OR1N1: variants seen among roughly 807,000 people sequenced by gnomAD.
OR1N1 encodes olfactory receptor 1N1.
For missense variants in OR1N1, 388 were observed against 391.9 expected (o/e 0.99, Z 0.08); for synonymous variants, 130 against 151.2 (o/e 0.86, Z 1.03).
At position 122,526,568 on chromosome 9, in the gene OR1N1, G is replaced by A; in HGVS notation, c.726C>T (p.His242=). 6.2e-7 allele frequency: 1 copy of A among 1,613,908 alleles called. No individual in the cohort carries two copies. The highest frequency in any genetic ancestry group is 8.5e-7 in the Non-Finnish European group (1 of 1,179,890). The change falls in exon 1 of 1, where the codon CAC becomes CAT. Residue 242 remains histidine, a synonymous_variant. Transcript: ENST00000304880. ...VGKAFSTCSS[H]LCVVCVFYGT... is the part of the protein sequence containing the mutation. ...CATAGAACACACAAACAACGCAGAG[G>A]TGGGAACTGCAGGTGGAAAAGGCCT...
chr9:122,526,471 T>A lies in OR1N1; in HGVS notation c.823A>T (p.Met275Leu), dbSNP rs577379114. ...AACATGGGAGTCACTATGGTGTACA[T>A]TGCAGCTGCTGCAATGTCCTTCTCT... ...SEEKDIAAAA[M>L]YTIVTPMLNP... The change falls in exon 1 of 1, where the codon ATG becomes TTG. Residue 275 changes from methionine to leucine, a missense_variant. Coordinates refer to ENST00000304880, the MANE Select transcript of OR1N1 (RefSeq NM_012363.1). 6.4e-7 allele frequency: 1 copy of A among 1,566,210 alleles called. No individual in the cohort carries two copies. The highest frequency in any genetic ancestry group is 8.6e-7 in the Non-Finnish European group (1 of 1,157,450).
Position 122,526,788 on chromosome 9 carries a change from G to C in OR1N1, c.506C>G (p.Thr169Ser). The change falls in exon 1 of 1, where the codon ACT becomes AGT. Residue 169 changes from threonine to serine, a missense_variant. Transcript: ENST00000304880. The part of the protein sequence containing the change: ...FLMARLSFCV[T>S]GEIAHFFCDI... ...ACAGAAAAAGTGAGCAATTTCCCCAGTCACACAGAAGGACAACCGAGCCAT... is the reference window on the plus strand; with the variant it reads ...ACAGAAAAAGTGAGCAATTTCCCCACTCACACAGAAGGACAACCGAGCCAT... The C allele has an allele frequency of 6.2e-7, 1 of 1,614,112 alleles. No homozygotes were observed. Among genetic ancestry groups the C allele is most frequent in the East Asian group, 2.2e-5 (1 of 44,876 alleles).
Position 122,527,130 on chromosome 9 carries a change from G to T in OR1N1, c.164C>A (p.Thr55Asn). ...LAIGSDLHLH[T>N]PMYFFLANLS... ...GTTGGCCAAGAAAAAGTACATGGGG[G>T]TGTGGAGGTGCAGGTCAGAGCCAAT... Residue 55 changes from threonine (T) to asparagine (N), a missense_variant, in exon 1 of 1, where the codon ACC becomes AAC. Transcript: ENST00000304880. 4 of 1,614,240 alleles carry T rather than the reference G, an allele frequency of 2.5e-6. No homozygotes were observed. Among genetic ancestry groups the T allele is most frequent in the African/African-American group, 1.3e-5 (1 of 75,060 alleles).
In OR1N1 at chr9:122,527,232, T is replaced by G. The variant is rs777832636; in HGVS notation, c.62A>C (p.Gln21Pro). 6.2e-7 allele frequency: 1 copy of G among 1,613,882 alleles called. No individual in the cohort carries two copies. Among genetic ancestry groups the G allele is most frequent in the South Asian group, 1.1e-5 (1 of 91,062 alleles). ...GAAAATTCCGAAGAGGGACTGCTGT[T>G]GCTCTGGAGGCGCTGATATTCCTCG... ...FLRGISAPPEQQQSLFGIFLC... is the reference protein window; with the variant it reads ...FLRGISAPPEPQQSLFGIFLC... Residue 21 changes from glutamine to proline, a missense_variant, in exon 1 of 1, where the codon CAA (glutamine) becomes CCA (proline). Transcript: ENST00000304880.
chr9:122,527,198 C>A lies in OR1N1; in HGVS notation c.96G>T (p.Met32Ile). 1 of 1,614,090 alleles carries A rather than the reference C, an allele frequency of 6.2e-7. No homozygotes were observed. The highest frequency in any genetic ancestry group is 1.1e-5 in the South Asian group (1 of 91,080). ...GGTTCCCAGTCAAGGTGACAAGATA[C>A]ATACACAGGAAAATTCCGAAGAGGG... is the stretch of plus-strand genomic sequence containing the variant. Reference protein sequence around the residue: ...QQSLFGIFLCMYLVTLTGNLL... With the variant: ...QQSLFGIFLCIYLVTLTGNLL... The change falls in exon 1 of 1, where the codon ATG becomes ATT. Residue 32 changes from methionine to isoleucine, a missense_variant. By Grantham distance (10) the Met-to-Ile change is conservative (BLOSUM62 1). Transcript: ENST00000304880.
Position 122,526,855 on chromosome 9 carries a change from A to G in OR1N1, c.439T>C (p.Trp147Arg). ...AGGGCAACGATATTGGTGAGGACCC[A>G]GCACAATGCAAGCATTAGGGCACAG... The part of the protein sequence containing the change: ...QVCALMLALC[W>R]VLTNIVALTH... The change falls in exon 1 of 1, where the codon TGG (tryptophan) becomes CGG (arginine). Residue 147 changes from tryptophan to arginine, a missense_variant. Coordinates refer to ENST00000304880, the MANE Select transcript of OR1N1 (RefSeq NM_012363.1). 6.2e-7 allele frequency: 1 copy of G among 1,614,192 alleles called. No homozygotes were observed. The highest frequency in any genetic ancestry group is 8.5e-7 in the Non-Finnish European group (1 of 1,180,038).
rs1256686143 is a variant in OR1N1 at position 122,526,998 on chromosome 9, A to G, written c.296T>C (p.Met99Thr). 6 of 1,614,060 alleles carry G rather than the reference A, an allele frequency of 3.7e-6. No homozygotes were observed. The highest frequency in any genetic ancestry group is 5.1e-6 in the Non-Finnish European group (6 of 1,180,042). ...ATCACCAAACATCAGAAAGAAATAC[A>G]TTTGCGTGAGGCAACCCGTATAGGA... ...TISYTGCLTQ[M>T]YFFLMFGDLD... The change falls in exon 1 of 1, where the codon ATG becomes ACG. Residue 99 changes from methionine (M) to threonine (T), a missense_variant. By Grantham distance (81) the Met-to-Thr change is moderately conservative. Transcript: ENST00000304880.
chr9:122,526,689 C>A lies in OR1N1; in HGVS notation c.605G>T (p.Gly202Val). ...INEMMVFVLG[G>V]TVLIVPFLCI... ...TAAAAAGGGGACGATGAGTACGGTGCCTCCCAAGACAAAAACCATCATCTC... is the reference window on the plus strand; with the variant it reads ...TAAAAAGGGGACGATGAGTACGGTGACTCCCAAGACAAAAACCATCATCTC... The change falls in exon 1 of 1, where the codon GGC becomes GTC. Residue 202 changes from glycine (G) to valine (V), a missense_variant. Gly to Val is a moderately radical substitution (Grantham distance 109). Coordinates refer to ENST00000304880, the MANE Select transcript of OR1N1 (RefSeq NM_012363.1). 1 of 1,614,072 alleles carries A rather than the reference C, an allele frequency of 6.2e-7. No homozygotes were observed. Among genetic ancestry groups the A allele is most frequent in the Non-Finnish European group, 8.5e-7 (1 of 1,179,992 alleles).
Position 122,526,683 on chromosome 9 carries a change from A to G in OR1N1, c.611T>C (p.Val204Ala), listed in dbSNP as rs1327563864. The stretch of plus-strand genomic sequence containing the variant: ...AATGCATAAAAAGGGGACGATGAGT[A>G]CGGTGCCTCCCAAGACAAAAACCAT... ...EMMVFVLGGT[V>A]LIVPFLCIVT... The change falls in exon 1 of 1, where the codon GTA becomes GCA. Residue 204 changes from valine to alanine, a missense_variant. Val to Ala is a moderately conservative substitution (Grantham distance 64). Coordinates refer to ENST00000304880, the MANE Select transcript of OR1N1 (RefSeq NM_012363.1). 6.2e-7 allele frequency: 1 copy of G among 1,614,198 alleles called. No individual in the cohort carries two copies. The highest frequency in any genetic ancestry group is 8.5e-7 in the Non-Finnish European group (1 of 1,180,022).
chr9:122,526,874 G>A lies in OR1N1; in HGVS notation c.420C>T (p.Ala140=), dbSNP rs780611699. ...YSTVMRPQVC[A]LMLALCWVLT... ...GGACCCAGCACAATGCAAGCATTAG[G>A]GCACAGACTTGGGGCCTCATGACTG... Residue 140 remains alanine, a synonymous_variant, in exon 1 of 1, where the codon GCC becomes GCT. Coordinates refer to ENST00000304880, the MANE Select transcript of OR1N1 (RefSeq NM_012363.1). 2 of 1,614,174 alleles carry A rather than the reference G, an allele frequency of 1.2e-6. No individual in the cohort carries two copies. The highest frequency in any genetic ancestry group is 1.7e-6 in the Non-Finnish European group (2 of 1,180,038).
Position 122,526,471 on chromosome 9 carries a change from T to C in OR1N1, c.823A>G (p.Met275Val), listed in dbSNP as rs577379114. 4.0e-5 allele frequency: 62 copies of C among 1,566,328 alleles called. No individual in the cohort carries two copies. The South Asian group carries it at 7.1e-4, about 18-fold the overall frequency. ...SEEKDIAAAA[M>V]YTIVTPMLNP... ...AACATGGGAGTCACTATGGTGTACA[T>C]TGCAGCTGCTGCAATGTCCTTCTCT... The change falls in exon 1 of 1, where the codon ATG (methionine) becomes GTG (valine). Residue 275 changes from methionine (M) to valine (V), a missense_variant. Physicochemically the swap from Met to Val is conservative, Grantham distance 21. Transcript: ENST00000304880.
In OR1N1 at chr9:122,526,935, C is replaced by T. The variant is rs754562696; in HGVS notation, c.359G>A (p.Arg120His). 1.4e-5 allele frequency: 23 copies of T among 1,613,986 alleles called. No individual in the cohort carries two copies. Among genetic ancestry groups the T allele is most frequent in the Admixed American group, 3.3e-5 (2 of 59,990 alleles). ...SFFLAAMAYD[R>H]YVAICHPLCY... is the part of the protein sequence containing the mutation. The stretch of plus-strand genomic sequence containing the variant: ...GAGGGGGTGGCAAATGGCCACATAG[C>T]GGTCATACGCCATGGCAGCCAGGAA... The change falls in exon 1 of 1, where the codon CGC (arginine) becomes CAC (histidine). Residue 120 changes from arginine to histidine, a missense_variant. By Grantham distance (29) the Arg-to-His change is conservative. Transcript: ENST00000304880.
rs1828837345 is a variant in OR1N1 at position 122,526,551 on chromosome 9, A to G, written c.743T>C (p.Val248Ala). The G allele has an allele frequency of 6.2e-7, 1 of 1,612,378 alleles. No individual in the cohort carries two copies. Among genetic ancestry groups the G allele is most frequent in the Non-Finnish European group, 8.5e-7 (1 of 1,179,136 alleles). ...GGCACTGAAGAGGGTCCCATAGAACACACAAACAACGCAGAGGTGGGAACT... is the reference window on the plus strand; with the variant it reads ...GGCACTGAAGAGGGTCCCATAGAACGCACAAACAACGCAGAGGTGGGAACT... ...TCSSHLCVVC[V>A]FYGTLFSAYL... Residue 248 changes from valine to alanine, a missense_variant, in exon 1 of 1, where the codon GTG becomes GCG. Transcript: ENST00000304880.
chr9:122,526,691 T>C lies in OR1N1; in HGVS notation c.603A>G (p.Gly201=). ...HINEMMVFVL[G]GTVLIVPFLC... ...AAAAGGGGACGATGAGTACGGTGCC[T>C]CCCAAGACAAAAACCATCATCTCGT... The change falls in exon 1 of 1, where the codon GGA becomes GGG. Residue 201 remains glycine, a synonymous_variant. Transcript: ENST00000304880. 6.2e-7 allele frequency: 1 copy of C among 1,614,028 alleles called. No homozygotes were observed. Among genetic ancestry groups the C allele is most frequent in the South Asian group, 1.1e-5 (1 of 91,076 alleles).
chr9:122,526,554 C>A lies in OR1N1; in HGVS notation c.740G>T (p.Cys247Phe). 2 of 1,612,356 alleles carry A rather than the reference C, an allele frequency of 1.2e-6. No homozygotes were observed. Among genetic ancestry groups the A allele is most frequent in the Middle Eastern group, 1.7e-4 (1 of 6,054 alleles). The change falls in exon 1 of 1, where the codon TGT (cysteine) becomes TTT (phenylalanine). Residue 247 changes from cysteine (C) to phenylalanine (F), a missense_variant. Transcript: ENST00000304880. ...STCSSHLCVVCVFYGTLFSAY... is the reference protein window; with the variant it reads ...STCSSHLCVVFVFYGTLFSAY... Reference sequence around the variant, plus strand: ...ACTGAAGAGGGTCCCATAGAACACACAAACAACGCAGAGGTGGGAACTGCA... The same window carrying A: ...ACTGAAGAGGGTCCCATAGAACACAAAAACAACGCAGAGGTGGGAACTGCA...
At position 122,526,694 on chromosome 9, in the gene OR1N1, C is replaced by G. The variant is rs774126997; in HGVS notation, c.600G>C (p.Leu200Phe). The change falls in exon 1 of 1, where the codon TTG becomes TTC. Residue 200 changes from leucine (L) to phenylalanine (F), a missense_variant. Coordinates refer to ENST00000304880, the MANE Select transcript of OR1N1 (RefSeq NM_012363.1). ...AGGGGACGATGAGTACGGTGCCTCC[C>G]AAGACAAAAACCATCATCTCGTTGA... is the stretch of plus-strand genomic sequence containing the variant. ...THINEMMVFV[L>F]GGTVLIVPFL... is the part of the protein sequence containing the mutation. 1 of 1,614,098 alleles carries G rather than the reference C, an allele frequency of 6.2e-7. No homozygotes were observed. Among genetic ancestry groups the G allele is most frequent in the South Asian group, 1.1e-5 (1 of 91,068 alleles).
At position 122,527,268 on chromosome 9, in the gene OR1N1, T is replaced by A. The variant is rs1344179849; in HGVS notation, c.26A>T (p.Glu9Val). 1.9e-6 allele frequency: 3 copies of A among 1,610,566 alleles called. No homozygotes were observed. Among genetic ancestry groups the A allele is most frequent in the Non-Finnish European group, 2.5e-6 (3 of 1,177,592 alleles). The change falls in exon 1 of 1, where the codon GAA becomes GTA. Residue 9 changes from glutamate to valine, a missense_variant. Physicochemically the swap from Glu to Val is moderately radical, Grantham distance 121. Coordinates refer to ENST00000304880, the MANE Select transcript of OR1N1 (RefSeq NM_012363.1). MENQSSIS[E>V]FFLRGISAPP... The stretch of plus-strand genomic sequence containing the variant: ...CGCTGATATTCCTCGGAGGAAAAAT[T>A]CAGAAATGCTGGATTGGTTTTCCAT...
rs751961877 is a variant in OR1N1 at position 122,527,228 on chromosome 9, C to T, written c.66G>A (p.Gln22=). 110 of 1,613,940 alleles carry T rather than the reference C, an allele frequency of 6.8e-5. No individual in the cohort carries two copies. The highest frequency in any genetic ancestry group is 8.3e-5 in the Non-Finnish European group (98 of 1,179,956). ...ACAGGAAAATTCCGAAGAGGGACTG[C>T]TGTTGCTCTGGAGGCGCTGATATTC... is the stretch of plus-strand genomic sequence containing the variant. ...LRGISAPPEQ[Q]QSLFGIFLCM... The change falls in exon 1 of 1, where the codon CAG becomes CAA. Residue 22 remains glutamine (Q), a synonymous_variant. Coordinates refer to ENST00000304880, the MANE Select transcript of OR1N1 (RefSeq NM_012363.1).
rs1446857765 is a variant in OR1N1 at position 122,527,198 on chromosome 9, C to T, written c.96G>A (p.Met32Ile). 6.8e-6 allele frequency: 11 copies of T among 1,614,090 alleles called. No homozygotes were observed. The highest frequency in any genetic ancestry group is 9.3e-6 in the Non-Finnish European group (11 of 1,179,944). Residue 32 changes from methionine to isoleucine, a missense_variant, in exon 1 of 1, where the codon ATG (methionine) becomes ATA (isoleucine). Physicochemically the swap from Met to Ile is conservative, Grantham distance 10. Coordinates refer to ENST00000304880, the MANE Select transcript of OR1N1 (RefSeq NM_012363.1). ...GGTTCCCAGTCAAGGTGACAAGATACATACACAGGAAAATTCCGAAGAGGG... is the reference window on the plus strand; with the variant it reads ...GGTTCCCAGTCAAGGTGACAAGATATATACACAGGAAAATTCCGAAGAGGG... ...QQSLFGIFLC[M>I]YLVTLTGNLL... is the part of the protein sequence containing the mutation.
Sources: allele counts gnomAD v4.1 joint callset, GRCh38; gene constraint gnomAD v4.1.1; transcripts MANE v1.5; gene names NCBI Gene and HGNC (gene_info 2026-07-23, HGNC 2026-07-21).